PPP1R12B: variants seen among roughly 807,000 people sequenced by gnomAD.
PPP1R12B encodes protein phosphatase 1 regulatory subunit 12B, also known as myosin phosphatase target subunit 2.
Under a neutral mutation model 126.1 loss-of-function variants are expected in PPP1R12B, and 76 were observed. That is an observed-to-expected ratio of 0.60 (90% CI 0.50 to 0.73). PPP1R12B has a LOEUF of 0.73. Among genes scored for constraint, PPP1R12B ranks in the 30% least tolerant of loss-of-function variants. The pLI is 0.00. For synonymous variants in PPP1R12B, 356 were observed against 434.7 expected (o/e 0.82, Z 2.25); for missense variants, 1,052 against 1,205.1 (o/e 0.87, Z 1.88).
chr1:202,586,876 C>T lies in PPP1R12B; in HGVS notation c.*6316C>T, dbSNP rs1572589946. On this transcript the variant is annotated 3_prime_UTR_variant, in exon 24 of 24. Coordinates refer to ENST00000608999, the MANE Select transcript of PPP1R12B (RefSeq NM_002481.4). ...AAAAGGTTTAGCAATTTGGGGATAA[C>T]TCTTGGATCTAGCTTATGTGCGTTC... 1 of 152,378 alleles carries T rather than the reference C, an allele frequency of 6.6e-6. No individual in the cohort carries two copies. The highest frequency in any genetic ancestry group is 3.4e-3 in the Middle Eastern group (1 of 294). The allele number at this position is 152,378 out of a possible 1,614,324, so 9.4% of individuals were successfully genotyped here. A position where few individuals can be genotyped will look rare whatever the true frequency, so the allele number is the denominator to read the frequency against.
intron 1 of PPP1R12B, among the ~76,000 whole-genome samples, chr1:202,371,858 C>CTTTTTTT (rs1193939057): frequency 5.3e-5 from 4 of 75,342 alleles, no homozygotes; most frequent in Non-Finnish European, 7.5e-5. Context: ...ATTATAGTTT[C>CTTTTTTT]TTTTTTTTTT....
At chr1:202,359,802 TCAAA>T (rs780235140) in intron 1 of PPP1R12B, among the ~76,000 whole-genome samples, 35 of 152,088 alleles carry the variant, frequency 2.3e-4, no homozygotes, top group Non-Finnish European at 3.8e-4. Flanking sequence ...AGACTCTGTC[TCAAA>T]CAAAAACAAA....
intron 14 of PPP1R12B, among the ~76,000 whole-genome samples, chr1:202,489,387 A>G (rs1411467771): frequency 6.6e-6 from 1 of 152,268 alleles, no homozygotes; most frequent in Non-Finnish European, 1.5e-5. Flanking sequence ...ATGAAAACAT[A>G]TGTTCATATA....
chr1:202,460,283 G>A (rs1674145206), intron 13 of PPP1R12B, among the ~76,000 whole-genome samples: 1 of 152,096 alleles, frequency 6.6e-6, no homozygotes, highest in South Asian at 2.1e-4. Flanking sequence ...TGCTTTGCTT[G>A]GTCAAGATAC....
chr1:202,374,753 G>A (rs1410733074), intron 1 of PPP1R12B, among the ~76,000 whole-genome samples: 2 of 151,516 alleles, frequency 1.3e-5, no homozygotes, highest in Non-Finnish European at 2.9e-5. Flanking sequence ...TGCCCGCCTG[G>A]TCTCGAACTC....
At chr1:202,552,960 A>G (rs1686474002) in intron 18 of PPP1R12B, among the ~76,000 whole-genome samples, 1 of 152,168 alleles carries the variant, frequency 6.6e-6, no homozygotes. Context: ...TTTCTAAGCC[A>G]GTCTCTGGTG....
At chr1:202,389,347 T>G (rs1013281311) in intron 1 of PPP1R12B, among the ~76,000 whole-genome samples, 7 of 152,174 alleles carry the variant, frequency 4.6e-5, no homozygotes, top group African/African-American at 1.7e-4. Context: ...ATATAAACAA[T>G]TTAAAAAATT....
At chr1:202,567,957 T>G in intron 22 of PPP1R12B, 126 bp downstream of exon 22, 1 of 1,124,566 alleles carries the variant, frequency 8.9e-7, no homozygotes, top group Non-Finnish European at 1.3e-6. Flanking sequence ...CACATTCCAT[T>G]CCCAGCTTGA....
intron 11 of PPP1R12B, among the ~76,000 whole-genome samples, chr1:202,441,011 G>A (rs1051501759): frequency 2.0e-5 from 3 of 151,962 alleles, no homozygotes; most frequent in African/African-American, 7.3e-5. Flanking sequence ...CCTTCTTTAG[G>A]AAGTCTTCCC....
chr1:202,569,323 T>C (rs1037393629), intron 23 of PPP1R12B, 126 bp downstream of exon 23: 4 of 991,082 alleles, frequency 4.0e-6, no homozygotes, highest in Non-Finnish European at 6.0e-6. Context: ...GAAGAAATGA[T>C]GTGTAAAAAA....
chr1:202,542,668 C>G (rs1289370727), intron 18 of PPP1R12B, among the ~76,000 whole-genome samples: 2 of 152,168 alleles, frequency 1.3e-5, no homozygotes, highest in Non-Finnish European at 2.9e-5. Flanking sequence ...AACTGAATCT[C>G]CTGTGCCTGG....
chr1:202,410,860 C>G (rs1181542702), intron 1 of PPP1R12B, among the ~76,000 whole-genome samples: 1 of 152,084 alleles, frequency 6.6e-6, no homozygotes, highest in Non-Finnish European at 1.5e-5. Context: ...TAGTAAAATT[C>G]GATGTGTCTT....
In PPP1R12B at chr1:202,427,794, G is replaced by A. The variant is rs546467683; in HGVS notation, c.846+610G>A. On this transcript the variant is annotated intron_variant, in intron 5 of 23. Coordinates refer to ENST00000608999, the MANE Select transcript of PPP1R12B (RefSeq NM_002481.4). ...TGAGTAGCTGGGACTACAGGCACACGCCGCCACGCCTGGCTAATTTTTTGT... is the reference window on the plus strand; with the variant it reads ...TGAGTAGCTGGGACTACAGGCACACACCGCCACGCCTGGCTAATTTTTTGT... 3.3e-4 allele frequency among the ~76,000 whole-genome samples: 50 copies of A among 152,006 alleles called. 1 individual carries two copies. The East Asian group carries it at 6.2e-3, about 19-fold the overall frequency.
intron 13 of PPP1R12B, among the ~76,000 whole-genome samples, chr1:202,465,453 C>T (rs188076819): frequency 6.6e-5 from 10 of 152,162 alleles, no homozygotes; most frequent in African/African-American, 2.4e-4. Flanking sequence ...AACTTGCTAG[C>T]CTCTCTGAAA....
intron 1 of PPP1R12B, among the ~76,000 whole-genome samples, chr1:202,359,213 T>C (rs1558126085): frequency 1.3e-5 from 2 of 151,922 alleles, no homozygotes; most frequent in Non-Finnish European, 2.9e-5. Context: ...GGTGCGATCT[T>C]GGCCCACTGC....
At chr1:202,511,064 TATATA>T (rs1440538994) in intron 18 of PPP1R12B, among the ~76,000 whole-genome samples, 2 of 147,124 alleles carry the variant, frequency 1.4e-5, no homozygotes, top group Non-Finnish European at 3.0e-5. Context: ...TAATATATAA[TATATA>T]TTATATATAT....
chr1:202,418,740 T>C (rs1571920200), intron 2 of PPP1R12B, among the ~76,000 whole-genome samples: 1 of 152,230 alleles, frequency 6.6e-6, no homozygotes, highest in African/African-American at 2.4e-5. Flanking sequence ...ACTATACATA[T>C]CATTATTAGA....
In PPP1R12B at chr1:202,422,744, C is replaced by T. The variant is rs776817619; in HGVS notation, c.541+6C>T. On this transcript the variant is annotated splice_donor_region_variant and intron_variant, in intron 3 of 23. Coordinates refer to ENST00000608999, the MANE Select transcript of PPP1R12B (RefSeq NM_002481.4). Reference sequence around the variant, plus strand: ...GGAGCAAGTAAAGAAGCAAGGTAACCTCATGGATTGGAGGGGGCCAGGAAA... The same window carrying T: ...GGAGCAAGTAAAGAAGCAAGGTAACTTCATGGATTGGAGGGGGCCAGGAAA... 1 of 1,613,340 alleles carries T rather than the reference C, an allele frequency of 6.2e-7. No homozygotes were observed. The highest frequency in any genetic ancestry group is 1.3e-5 in the African/African-American group (1 of 74,872).
At chr1:202,500,382 G>A (rs1680087852) in intron 18 of PPP1R12B, among the ~76,000 whole-genome samples, 1 of 152,150 alleles carries the variant, frequency 6.6e-6, no homozygotes, top group African/African-American at 2.4e-5. Context: ...TGTGGTATAT[G>A]TACATAGTGG....
Sources: gnomAD v4.1 joint callset for allele counts (sites outside exome capture counted in the v4.1 genomes callset) on GRCh38, gnomAD v4.1.1 for gene constraint, MANE v1.5 for transcripts, NCBI Gene and HGNC (gene_info 2026-07-23, HGNC 2026-07-21) for gene names.